Variants in SYNE2 observed in about 807,000 individuals in gnomAD.
SYNE2 encodes nesprin-2.
SYNE2 carries 431 observed loss-of-function variants against 856.3 expected under a neutral mutation model. The observed-to-expected ratio is 0.50, with a 90% CI of 0.47 to 0.55. SYNE2 has a LOEUF of 0.55. Among genes scored for constraint, SYNE2 ranks in the 20% least tolerant of loss-of-function variants. The probability of loss-of-function intolerance (pLI) is 0.00; values close to 1 mark genes in which losing one functional copy is unlikely to be tolerated. For synonymous variants in SYNE2, 2,923 were observed against 2,872.3 expected (o/e 1.02, Z -0.56); for missense variants, 8,129 against 8,023.2 (o/e 1.01, Z -0.50).
At chr14:63,945,224 A>C (rs144980868) in intron 6 of SYNE2, among the ~76,000 whole-genome samples, 101 of 151,886 alleles carry the variant, frequency 6.6e-4, no homozygotes, top group Non-Finnish European at 1.4e-3. Flanking sequence ...AATATTTATA[A>C]ATGAAACACA....
chr14:64,146,096 G>A lies in SYNE2; in HGVS notation c.15512G>A (p.Ser5171Asn). Residue 5171 changes from serine (S) to asparagine (N), a missense_variant, in exon 84 of 116, where the codon AGT becomes AAT. This residue lies in a region of SYNE2 where 5,410 missense variants were observed against 5,284.8 expected (regional missense o/e 1.02). Transcript: ENST00000555002. ...CAACATTTAGAACAACTTCTAGAAA[G>A]TATCACTGAGAGTGAAAATAAAATA... ...KIQHLEQLLE[S>N]ITESENKIQI... 1.9e-6 allele frequency: 3 copies of A among 1,591,170 alleles called. No homozygotes were observed. Among genetic ancestry groups the A allele is most frequent in the Non-Finnish European group, 2.6e-6 (3 of 1,164,322 alleles).
intron 54 of SYNE2, among the ~76,000 whole-genome samples, chr14:64,077,739 A>C (rs74934399): frequency 0.015 from 2,237 of 152,316 alleles, 59 homozygotes; most frequent in African/African-American, 0.05. Flanking sequence ...ATAGCAAAAC[A>C]AGAACACACA....
chr14:64,116,221 T>C (rs968060414), intron 66 of SYNE2, among the ~76,000 whole-genome samples: 1 of 151,878 alleles, frequency 6.6e-6, no homozygotes, highest in Admixed American at 6.6e-5. Context: ...GGGAGGATTA[T>C]GCTTAGTAAT....
Position 64,000,554 on chromosome 14 carries a change from C to T in SYNE2, c.3481-8C>T, listed in dbSNP as rs776282261. The T allele has an allele frequency of 2.5e-6, 4 of 1,610,886 alleles. No individual in the cohort carries two copies. The South Asian group carries it at 4.4e-5, about 18-fold the overall frequency. On this transcript the variant is annotated splice_region_variant and splice_polypyrimidine_tract_variant and intron_variant, in intron 27 of 115. Coordinates refer to ENST00000555002, the MANE Select transcript of SYNE2 (RefSeq NM_182914.3). ...TAGTTGATAAATTAATTTATGTGTT[C>T]CATCTAGGTCATAAAAAATGAAACT...
intron 1 of SYNE2, among the ~76,000 whole-genome samples, chr14:63,895,599 A>G (rs1010526276): frequency 2.7e-5 from 4 of 150,798 alleles, no homozygotes; most frequent in Admixed American, 1.3e-4. Flanking sequence ...TCAAAAAAAA[A>G]AAAAAAAAAA....
intron 1 of SYNE2, among the ~76,000 whole-genome samples, chr14:63,787,081 C>T (rs944571989): frequency 9.2e-5 from 14 of 152,094 alleles, no homozygotes; most frequent in African/African-American, 2.4e-4. Flanking sequence ...TCTTTCTTTC[C>T]GTTATTTTTG....
intron 1 of SYNE2, among the ~76,000 whole-genome samples, chr14:63,796,116 A>G (rs766605039): frequency 1.3e-5 from 2 of 152,216 alleles, no homozygotes; most frequent in Non-Finnish European, 2.9e-5. Context: ...AAATCCAGGC[A>G]TTTGGTTCCA....
intron 100 of SYNE2, among the ~76,000 whole-genome samples, chr14:64,203,373 A>ATTG (rs2098587167): frequency 6.6e-6 from 1 of 152,234 alleles, no homozygotes; most frequent in Non-Finnish European, 1.5e-5. Context: ...TTTTTAAAAA[A>ATTG]TTAAAACAAG....
At chr14:64,213,194 G>A (rs141312390) in intron 105 of SYNE2, among the ~76,000 whole-genome samples, 189 bp downstream of exon 105, 41 of 152,322 alleles carry the variant, frequency 2.7e-4, no homozygotes, top group African/African-American at 9.6e-4. Context: ...TAACTTACAA[G>A]TTCCCATTCC....
At chr14:63,907,403 C>T (rs926771633) in intron 1 of SYNE2, among the ~76,000 whole-genome samples, 3 of 152,124 alleles carry the variant, frequency 2.0e-5, no homozygotes, top group Non-Finnish European at 4.4e-5. Context: ...CATTTATTAC[C>T]TGTGTGTCCT....
At chr14:64,214,975 A>T (rs767462486) in intron 106 of SYNE2, among the ~76,000 whole-genome samples, 18 of 152,168 alleles carry the variant, frequency 1.2e-4, no homozygotes, top group Non-Finnish European at 1.9e-4. Context: ...CCTGGGCTCA[A>T]GAAGTCCTCC....
At chr14:64,027,134 T>C (rs1278614829) in intron 42 of SYNE2, among the ~76,000 whole-genome samples, 8 of 152,182 alleles carry the variant, frequency 5.3e-5, no homozygotes, top group African/African-American at 7.2e-5. Flanking sequence ...ATAAACTAGT[T>C]AGTTGGTTAA....
intron 17 of SYNE2, among the ~76,000 whole-genome samples, 165 bp from the exon 18 acceptor site, chr14:63,983,572 A>G (rs1359000631): frequency 6.6e-6 from 1 of 152,190 alleles, no homozygotes; most frequent in Non-Finnish European, 1.5e-5. Flanking sequence ...ATTCTTAACA[A>G]TTTGAGATGT....
intron 1 of SYNE2, among the ~76,000 whole-genome samples, chr14:63,781,662 C>G (rs948055152): frequency 9.0e-6 from 1 of 111,320 alleles, no homozygotes; most frequent in African/African-American, 2.6e-5. Flanking sequence ...TAGGCCTTCT[C>G]TCTCTCTATA....
intron 1 of SYNE2, among the ~76,000 whole-genome samples, chr14:63,799,497 C>G (rs533913500): frequency 6.6e-6 from 1 of 151,190 alleles, no homozygotes; most frequent in Non-Finnish European, 1.5e-5. Flanking sequence ...TCGAGACCAT[C>G]CTGGGCAACA....
At chr14:64,056,979 TTTC>T (rs2097275843) in intron 49 of SYNE2, among the ~76,000 whole-genome samples, 2 of 152,180 alleles carry the variant, frequency 1.3e-5, no homozygotes, top group South Asian at 2.1e-4. Flanking sequence ...TCTTCTGTTA[TTTC>T]TTTTTTTTAA....
intron 60 of SYNE2, 122 bp downstream of exon 60, chr14:64,091,170 T>C (rs2097609851): frequency 1.1e-6 from 1 of 889,250 alleles, no homozygotes; most frequent in Admixed American, 2.0e-5. Context: ...GCATTTGATA[T>C]AAAAGCATAT....
intron 1 of SYNE2, among the ~76,000 whole-genome samples, chr14:63,774,481 A>G (rs979312420): frequency 2.0e-5 from 3 of 151,522 alleles, no homozygotes; most frequent in African/African-American, 7.2e-5. Flanking sequence ...AAAAAAAAAA[A>G]AAAAAGAAAA....
chr14:64,093,020 A>T (rs1236092107), intron 60 of SYNE2, among the ~76,000 whole-genome samples: 1 of 150,208 alleles, frequency 6.7e-6, no homozygotes, highest in Admixed American at 6.7e-5. Flanking sequence ...TAACTTCTCA[A>T]AAGTTAGCAA....
Sources: gnomAD v4.1 joint callset for allele counts (sites outside exome capture counted in the v4.1 genomes callset) on GRCh38, gnomAD v4.1.1 for gene constraint, gnomAD v4.1.1 regional missense constraint, MANE v1.5 for transcripts, NCBI Gene and HGNC (gene_info 2026-07-23, HGNC 2026-07-21) for gene names.